CACNA2D1: variants seen among roughly 807,000 people sequenced by gnomAD.
CACNA2D1 encodes the protein voltage-dependent calcium channel subunit alpha-2/delta-1.
In CACNA2D1, 53 loss-of-function variants were observed where a neutral mutation model predicts 171.5. That is an observed-to-expected ratio of 0.31 (90% CI 0.25 to 0.39). CACNA2D1 has a LOEUF of 0.39. Among genes scored for constraint, CACNA2D1 ranks in the 10% least tolerant of loss-of-function variants. The probability of loss-of-function intolerance (pLI) is 1.00; values close to 1 mark genes in which losing one functional copy is unlikely to be tolerated. For synonymous variants in CACNA2D1, 442 were observed against 443.1 expected (o/e 1.00, Z 0.03); for missense variants, 903 against 1,299.8 (o/e 0.69, Z 4.69).
At chr7:82,362,902 C>T (rs1199952531) in intron 1 of CACNA2D1, among the ~76,000 whole-genome samples, 2 of 152,166 alleles carry the variant, frequency 1.3e-5, no homozygotes, top group Non-Finnish European at 1.5e-5. Flanking sequence ...TCAAATACTT[C>T]CTGCAATGGG....
chr7:81,964,183 G>T (rs1340365364), intron 33 of CACNA2D1, 24 bp downstream of exon 33: 2 of 1,612,394 alleles, frequency 1.2e-6, no homozygotes, highest in South Asian at 2.2e-5. Context: ...CTTGAGAATT[G>T]ATTAGACCGT....
intron 3 of CACNA2D1, among the ~76,000 whole-genome samples, chr7:82,311,374 A>G (rs1015639195): frequency 6.6e-6 from 1 of 151,404 alleles, no homozygotes; most frequent in African/African-American, 2.4e-5. Context: ...CAAAAAAAGA[A>G]AAAAAAAACT....
At chr7:82,396,055 C>T (rs1461174663) in intron 1 of CACNA2D1, among the ~76,000 whole-genome samples, 1 of 152,126 alleles carries the variant, frequency 6.6e-6, no homozygotes, top group Non-Finnish European at 1.5e-5. Flanking sequence ...TTAGTAATTA[C>T]CAGTTAAAAT....
chr7:82,057,135 T>A (rs1312129848), intron 10 of CACNA2D1, among the ~76,000 whole-genome samples: 2 of 152,156 alleles, frequency 1.3e-5, no homozygotes, highest in East Asian at 3.8e-4. Context: ...CTAATAATAA[T>A]TTTTTAAAAA....
intron 1 of CACNA2D1, among the ~76,000 whole-genome samples, chr7:82,384,084 T>C (rs1272971839): frequency 6.6e-6 from 1 of 152,220 alleles, no homozygotes; most frequent in East Asian, 1.9e-4. Flanking sequence ...TTTTCGGTTA[T>C]AGTATATACT....
At chr7:82,072,957 T>A (rs975969024) in intron 7 of CACNA2D1, among the ~76,000 whole-genome samples, 1 of 152,114 alleles carries the variant, frequency 6.6e-6, no homozygotes, top group African/African-American at 2.4e-5. Context: ...ATTATAGATA[T>A]TTAAAAATAG....
At chr7:82,160,723 C>T (rs1422742149) in intron 4 of CACNA2D1, among the ~76,000 whole-genome samples, 1 of 152,010 alleles carries the variant, frequency 6.6e-6, no homozygotes, top group Non-Finnish European at 1.5e-5. Context: ...ATCCTCATGC[C>T]TTGGCCTCCC....
At chr7:82,077,763 A>C (rs1809177847) in intron 7 of CACNA2D1, among the ~76,000 whole-genome samples, 1 of 148,482 alleles carries the variant, frequency 6.7e-6, no homozygotes, top group Admixed American at 6.8e-5. Context: ...TTAAAGTAAA[A>C]AAAAAAAAAA....
chr7:82,307,501 A>G (rs1311284516), intron 3 of CACNA2D1, among the ~76,000 whole-genome samples: 7 of 150,218 alleles, frequency 4.7e-5, no homozygotes, highest in African/African-American at 1.7e-4. Flanking sequence ...TTATAAATTT[A>G]TAATTCTTAA....
intron 3 of CACNA2D1, among the ~76,000 whole-genome samples, chr7:82,265,416 C>CTTTTTTTTTTTT (rs765047961): frequency 1.3e-5 from 1 of 77,306 alleles, no homozygotes; most frequent in Non-Finnish European, 2.6e-5. Flanking sequence ...TTTTTCCTTT[C>CTTTTTTTTTTTT]TTTTTTTTTT....
Position 82,443,475 on chromosome 7 carries a change from T to A in CACNA2D1, c.-16A>T. 6.2e-7 allele frequency: 1 copy of A among 1,605,808 alleles called. No homozygotes were observed. The highest frequency in any genetic ancestry group is 8.5e-7 in the Non-Finnish European group (1 of 1,175,962). On this transcript the variant is annotated 5_prime_UTR_variant, in exon 1 of 39. Transcript: ENST00000356860. ...CAGCAGCCATCTTCGCGATCGAAGATCAATGCCCCCTCCCTGCCCAAGCGG... is the reference window on the plus strand; with the variant it reads ...CAGCAGCCATCTTCGCGATCGAAGAACAATGCCCCCTCCCTGCCCAAGCGG...
intron 4 of CACNA2D1, among the ~76,000 whole-genome samples, chr7:82,163,754 A>C (rs1397390589): frequency 6.6e-6 from 1 of 152,030 alleles, no homozygotes; most frequent in Non-Finnish European, 1.5e-5. Flanking sequence ...CAAACATAGT[A>C]CAACAGTAAT....
chr7:82,393,288 T>C (rs551774588), intron 1 of CACNA2D1, among the ~76,000 whole-genome samples: 1 of 152,254 alleles, frequency 6.6e-6, no homozygotes, highest in South Asian at 2.1e-4. Flanking sequence ...CATCTTGCAA[T>C]AGGGAAACAT....
chr7:82,371,070 T>G (rs1196192597), intron 1 of CACNA2D1, among the ~76,000 whole-genome samples: 1 of 152,170 alleles, frequency 6.6e-6, no homozygotes, highest in Admixed American at 6.6e-5. Flanking sequence ...ACGGGTAGTG[T>G]AAGCAGGAGA....
In CACNA2D1 at chr7:82,041,367, T is replaced by C. The variant is rs117666453; in HGVS notation, c.880-3132A>G. On this transcript the variant is annotated intron_variant, in intron 10 of 38. Coordinates refer to ENST00000356860, the MANE Select transcript of CACNA2D1 (RefSeq NM_000722.4). Reference sequence around the variant, plus strand: ...GGAAAATGCACATCAACTTCATTATTCTAGGAAAGAAGAGTGGAAGCTGAC... The same window carrying C: ...GGAAAATGCACATCAACTTCATTATCCTAGGAAAGAAGAGTGGAAGCTGAC... Among the ~76,000 whole-genome samples, 245 of 152,230 alleles carry C rather than the reference T, an allele frequency of 1.6e-3. 4 individuals carry two copies. The East Asian group carries it at 0.018, about 11-fold the overall frequency.
At chr7:82,249,213 C>T (rs1275755867) in intron 3 of CACNA2D1, among the ~76,000 whole-genome samples, 1 of 151,828 alleles carries the variant, frequency 6.6e-6, no homozygotes, top group African/African-American at 2.4e-5. Flanking sequence ...GTAGATGTAA[C>T]CGGGGTAAAA....
At chr7:82,275,322 CCT>C (rs1224040193) in intron 3 of CACNA2D1, among the ~76,000 whole-genome samples, 2 of 152,154 alleles carry the variant, frequency 1.3e-5, no homozygotes, top group Non-Finnish European at 2.9e-5. Context: ...ATACCACTCC[CCT>C]GTTTATAACT....
At chr7:81,965,958 T>C (rs1794668544) in intron 31 of CACNA2D1, among the ~76,000 whole-genome samples, 1 of 151,674 alleles carries the variant, frequency 6.6e-6, no homozygotes, top group Admixed American at 6.6e-5. Context: ...CCGGGTCATC[T>C]AAATGATCCA....
chr7:82,324,858 A>G (rs541976716), intron 3 of CACNA2D1, among the ~76,000 whole-genome samples: 4 of 151,838 alleles, frequency 2.6e-5, no homozygotes, highest in African/African-American at 9.6e-5. Flanking sequence ...CCAGCTTTTA[A>G]CCACCTAAAG....
Sources: gnomAD v4.1 joint callset for allele counts (sites outside exome capture counted in the v4.1 genomes callset) on GRCh38, gnomAD v4.1.1 for gene constraint, MANE v1.5 for transcripts, NCBI Gene and HGNC (gene_info 2026-07-23, HGNC 2026-07-21) for gene names.